ZBTB46: variants seen among roughly 807,000 people sequenced by gnomAD.
The protein encoded by ZBTB46 is zinc finger and BTB domain containing 46.
A neutral mutation model predicts 44.1 loss-of-function variants in ZBTB46; 8 were observed. The ratio of observed to expected loss-of-function variants is 0.18; its 90% CI spans 0.11 to 0.33. The LOEUF is 0.33. ZBTB46 is among the 10% of genes least tolerant of loss of function. The pLI is 1.00. For synonymous variants in ZBTB46, 409 were observed against 382.3 expected (o/e 1.07, Z -0.81); for missense variants, 651 against 847.7 (o/e 0.77, Z 2.88).
chr20:63,826,907 C>T (rs1339882856), intron 1 of ZBTB46, among the ~76,000 whole-genome samples: 4 of 152,208 alleles, frequency 2.6e-5, no homozygotes, highest in Non-Finnish European at 4.4e-5. Context: ...CCCTGCCCTC[C>T]GGCCAGCAAT....
chr20:63,790,167 C>A lies in ZBTB46; in HGVS notation c.591G>T (p.Gly197=). ...ASCHDGGSSY[G]KEDQEPKADG... is the part of the protein sequence containing the mutation. ...CGGCCTTGGGCTCCTGATCCTCTTT[C>A]CCGTAGCTGCTCCCTCCGTCGTGAC... Residue 197 remains glycine, a synonymous_variant, in exon 2 of 5, where the codon GGG becomes GGT. Coordinates refer to ENST00000245663, the MANE Select transcript of ZBTB46 (RefSeq NM_001369741.1). The A allele has an allele frequency of 6.2e-7, 1 of 1,613,870 alleles. No homozygotes were observed. Among genetic ancestry groups the A allele is most frequent in the Non-Finnish European group, 8.5e-7 (1 of 1,180,026 alleles).
chr20:63,812,813 C>T (rs759312552), intron 1 of ZBTB46, among the ~76,000 whole-genome samples: 1 of 151,714 alleles, frequency 6.6e-6, no homozygotes, highest in Non-Finnish European at 1.5e-5. Context: ...ACAAAAACTA[C>T]GGCTGGGCGT....
At chr20:63,789,751 G>A (rs935420678) in intron 2 of ZBTB46, 70 bp downstream of exon 2, 22 of 1,536,826 alleles carry the variant, frequency 1.4e-5, no homozygotes, top group South Asian at 6.2e-5. Flanking sequence ...CACTGCCTCC[G>A]CACAGCACGC....
At position 63,746,756 on chromosome 20, in the gene ZBTB46, G is replaced by C. The variant is rs2145738789; in HGVS notation, c.*174C>G. ...TGGTCCCAGAGCACCCCTCTTGCTG[G>C]GGTCGCACCTGCTTAGCCCGCAGGG... On this transcript the variant is annotated 3_prime_UTR_variant, in exon 5 of 5. Coordinates refer to ENST00000245663, the MANE Select transcript of ZBTB46 (RefSeq NM_001369741.1). 3 of 1,023,856 alleles carry C rather than the reference G, an allele frequency of 2.9e-6. No homozygotes were observed. In the East Asian group the frequency reaches 8.8e-5, roughly 30 times the overall value. 63.4% of individuals were successfully genotyped at this position (1,023,856 alleles called of 1,614,324 possible). A position where few individuals can be genotyped will look rare whatever the true frequency, so the allele number is the denominator to read the frequency against.
At position 63,782,096 on chromosome 20, in the gene ZBTB46, A is replaced by AAAAAAAAAAAG. The variant is rs1386082316; in HGVS notation, c.938-6135_938-6134insCTTTTTTTTTT. Among the ~76,000 whole-genome samples, 81 of 124,970 alleles carry AAAAAAAAAAAG rather than the reference A, an allele frequency of 6.5e-4. 4 individuals are homozygous for AAAAAAAAAAAG. The highest frequency in any genetic ancestry group is 1.6e-3 in the East Asian group (7 of 4,376). 82.0% of individuals were successfully genotyped at this position (124,970 alleles called of 152,430 possible). A position where few individuals can be genotyped will look rare whatever the true frequency, so the allele number is the denominator to read the frequency against. On this transcript the variant is annotated intron_variant, in intron 2 of 4. Transcript: ENST00000245663. ...AGCAAGACTCCGTCTCAAAAAAAAA[A>AAAAAAAAAAAG]AAAAGAAAAGAGGCGTGGCGATTTT... is the stretch of plus-strand genomic sequence containing the variant.
At chr20:63,801,657 C>T (rs926424307) in intron 1 of ZBTB46, among the ~76,000 whole-genome samples, 3 of 152,178 alleles carry the variant, frequency 2.0e-5, no homozygotes, top group Non-Finnish European at 2.9e-5. Context: ...CTCCTGAAGC[C>T]AGCCAAGACC....
At chr20:63,807,850 C>T (rs964478448) in intron 1 of ZBTB46, among the ~76,000 whole-genome samples, 8 of 152,290 alleles carry the variant, frequency 5.3e-5, no homozygotes, top group African/African-American at 1.9e-4. Flanking sequence ...CAGAGCGGGG[C>T]TCGCCCGGTG....
In ZBTB46 at chr20:63,796,523, T is replaced by C. The variant is rs1248945221; in HGVS notation, c.-33-5733A>G. On this transcript the variant is annotated intron_variant, in intron 1 of 4. Transcript: ENST00000245663. ...TTTCCGTTAGGCTCCACTTAAACCTTTCATTTAAAATTCTGCTTAAGGCCG... is the reference window on the plus strand; with the variant it reads ...TTTCCGTTAGGCTCCACTTAAACCTCTCATTTAAAATTCTGCTTAAGGCCG... 3.9e-5 allele frequency among the ~76,000 whole-genome samples: 6 copies of C among 152,342 alleles called. No homozygotes were observed. In the East Asian group the frequency reaches 1.2e-3, roughly 29 times the overall value.
intron 1 of ZBTB46, among the ~76,000 whole-genome samples, chr20:63,805,455 AC>A (rs1156242877): frequency 2.0e-5 from 3 of 151,682 alleles, no homozygotes; most frequent in South Asian, 2.1e-4. Flanking sequence ...ACAGAGCAAG[AC>A]CCCCATCTCT....
intron 1 of ZBTB46, among the ~76,000 whole-genome samples, chr20:63,801,964 T>C (rs995308172): frequency 6.6e-5 from 10 of 152,302 alleles, no homozygotes; most frequent in Admixed American, 2.6e-4. Context: ...TAAAAATATT[T>C]TTCCTCAGCT....
In ZBTB46 at chr20:63,767,514, C is replaced by T. The variant is rs1479833306; in HGVS notation, c.1222+8164G>A. Among the ~76,000 whole-genome samples the T allele has an allele frequency of 1.3e-5, 2 of 152,216 alleles. No individual in the cohort carries two copies. Among genetic ancestry groups the T allele is most frequent in the African/African-American group, 4.8e-5 (2 of 41,446 alleles). On this transcript the variant is annotated intron_variant, in intron 3 of 4. Transcript: ENST00000245663. This position sits in a 1 kb window ranked among gnomAD's most constrained non-coding sequence, Gnocchi z 5.0. Reference sequence around the variant, plus strand: ...ACGCGGCTGTTCGGTCACCCAGTTCCCCTCCTGCTCCCACACACTTGAGAG... The same window carrying T: ...ACGCGGCTGTTCGGTCACCCAGTTCTCCTCCTGCTCCCACACACTTGAGAG...
intron 1 of ZBTB46, among the ~76,000 whole-genome samples, chr20:63,825,257 C>T (rs1393532016): frequency 6.6e-6 from 1 of 151,722 alleles, no homozygotes; most frequent in African/African-American, 2.4e-5. Context: ...AAAAATTAGC[C>T]GGGCGTGGTG....
At chr20:63,821,856 G>A (rs1474447017) in intron 1 of ZBTB46, among the ~76,000 whole-genome samples, 3 of 152,182 alleles carry the variant, frequency 2.0e-5, no homozygotes, top group African/African-American at 7.2e-5. Context: ...CCACTGTTTA[G>A]GAAGCACCGA....
At chr20:63,761,781 C>CAAAAA (rs35095876) in intron 3 of ZBTB46, among the ~76,000 whole-genome samples, 1 of 126,586 alleles carries the variant, frequency 7.9e-6, no homozygotes. Context: ...GACTCTGCCT[C>CAAAAA]AAAAAAAAAA....
intron 3 of ZBTB46, among the ~76,000 whole-genome samples, chr20:63,768,304 A>G (rs1433357335): frequency 1.3e-5 from 2 of 152,230 alleles, no homozygotes; most frequent in Non-Finnish European, 2.9e-5. Context: ...TCATCCTAGC[A>G]CTTTGGGAGA....
intron 3 of ZBTB46, among the ~76,000 whole-genome samples, chr20:63,765,062 TATGTGCATGTGTGC>T (rs2092308107): frequency 1.7e-5 from 2 of 118,996 alleles, no homozygotes; most frequent in Non-Finnish European, 3.5e-5. Context: ...TGTATGTTTG[TATGTGCATGTGTGC>T]GTGTGCATGT....
rs368000116 is a variant in ZBTB46 at position 63,782,101 on chromosome 20, G to A, written c.938-6139C>T. Among the ~76,000 whole-genome samples, 198 of 69,492 alleles carry A rather than the reference G, an allele frequency of 2.8e-3. 3 individuals are homozygous for A. Among genetic ancestry groups the A allele is most frequent in the South Asian group, 8.8e-3 (12 of 1,370 alleles). The allele number at this position is 69,492 out of a possible 152,430, so 45.6% of individuals were successfully genotyped here. On this transcript the variant is annotated intron_variant, in intron 2 of 4. Coordinates refer to ENST00000245663, the MANE Select transcript of ZBTB46 (RefSeq NM_001369741.1). ...GACTCCGTCTCAAAAAAAAAAAAAA[G>A]AAAAGAGGCGTGGCGATTTTCACCA...
Position 63,790,655 on chromosome 20 carries a change from C to G in ZBTB46, c.103G>C (p.Val35Leu), listed in dbSNP as rs780627223. 1 of 1,611,726 alleles carries G rather than the reference C, an allele frequency of 6.2e-7. No individual in the cohort carries two copies. Among genetic ancestry groups the G allele is most frequent in the African/African-American group, 1.3e-5 (1 of 75,066 alleles). The stretch of plus-strand genomic sequence containing the variant: ...TTGAAGACCTTGCCCTCCACGACCA[C>G]GCAGACGTCGCACAGGACGCCGTGC... ...RQHGVLCDVC[V>L]VVEGKVFKAH... The change falls in exon 2 of 5, where the codon GTG becomes CTG. Residue 35 changes from valine (V) to leucine (L), a missense_variant. Val to Leu is a conservative substitution (Grantham distance 32). Around this residue, in one of 5 missense-constraint regions of ZBTB46, gnomAD observed 65 missense variants for 167.9 expected, o/e 0.39. Coordinates refer to ENST00000245663, the MANE Select transcript of ZBTB46 (RefSeq NM_001369741.1).
chr20:63,754,464 TTC>T (rs1273762196), intron 3 of ZBTB46, among the ~76,000 whole-genome samples: 2 of 152,304 alleles, frequency 1.3e-5, no homozygotes, highest in African/African-American at 4.8e-5. Flanking sequence ...AGCATTTTTT[TTC>T]TCTTTTTTTA....
Sources: allele counts gnomAD v4.1 joint callset (sites outside exome capture counted in the v4.1 genomes callset), GRCh38; gene constraint gnomAD v4.1.1; regional missense constraint gnomAD v4.1.1; non-coding constraint Gnocchi (gnomAD v3.1); transcripts MANE v1.5; gene names NCBI Gene and HGNC (gene_info 2026-07-23, HGNC 2026-07-21).